The following MYO5C variants were observed in gnomAD, a reference collection of about 807,000 sequenced individuals.
MYO5C encodes unconventional myosin-Vc.
Under a neutral mutation model 235.7 loss-of-function variants are expected in MYO5C, and 194 were observed. That is an observed-to-expected ratio of 0.82 (90% CI 0.73 to 0.93). The LOEUF (loss-of-function observed/expected upper bound fraction) is 0.93. Ranked by LOEUF, MYO5C falls within the 40% of genes least tolerant of loss-of-function variation. The probability of loss-of-function intolerance (pLI) is 0.00; values close to 1 mark genes in which losing one functional copy is unlikely to be tolerated. For missense variants in MYO5C, 2,038 were observed against 2,127.2 expected, an observed-to-expected ratio of 0.96 and a Z score of 0.82; for synonymous variants, 707 against 754.8, an observed-to-expected ratio of 0.94 and a Z score of 1.04.
chr15:52,198,268 G>A (rs1469088150), intron 38 of MYO5C, among the ~76,000 whole-genome samples: 1 of 152,186 alleles, frequency 6.6e-6, no homozygotes, highest in African/African-American at 2.4e-5. Flanking sequence ...CCGGGAGGCG[G>A]AGGTTGCAGT....
At chr15:52,229,447 G>C (rs2035902699) in intron 24 of MYO5C, 134 bp from the exon 25 acceptor site, 1 of 752,066 alleles carries the variant, frequency 1.3e-6, no homozygotes, top group Non-Finnish European at 2.1e-6. Flanking sequence ...CAACAAGAGA[G>C]ACCCCGTCCC....
intron 11 of MYO5C, among the ~76,000 whole-genome samples, chr15:52,255,151 T>A (rs547443071): frequency 6.6e-6 from 1 of 152,222 alleles, no homozygotes; most frequent in African/African-American, 2.4e-5. Flanking sequence ...TTCTGACACA[T>A]ACATACAATG....
At chr15:52,246,361 C>T (rs1199445749) in intron 16 of MYO5C, among the ~76,000 whole-genome samples, 1 of 152,206 alleles carries the variant, frequency 6.6e-6, no homozygotes, top group African/African-American at 2.4e-5. Context: ...CAAGCACCCA[C>T]TGATGCTTGA....
At position 52,279,563 on chromosome 15, in the gene MYO5C, G is replaced by A. The variant is rs2037121902; in HGVS notation, c.250C>T (p.Leu84Phe). The change falls in exon 3 of 41, where the codon CTC becomes TTC. Residue 84 changes from leucine to phenylalanine, a missense_variant. Physicochemically the swap from Leu to Phe is conservative, Grantham distance 22 (BLOSUM62 0). Transcript: ENST00000261839. ...GCAAAGCGGATTCTGAGGTTGTGGA[G>A]CACCGCGGGCTCGTGAAGATAGCTG... The part of the protein sequence containing the change: ...ALSYLHEPAV[L>F]HNLRIRFAES... The A allele has an allele frequency of 1.9e-6, 3 of 1,613,982 alleles. No homozygotes were observed. The highest frequency in any genetic ancestry group is 4.5e-5 in the East Asian group (2 of 44,898).
rs1005966548 is a variant in MYO5C at position 52,192,354 on chromosome 15, C to T, written c.*1548G>A. 5 of 152,160 alleles carry T rather than the reference C, an allele frequency of 3.3e-5. No individual in the cohort carries two copies. Among genetic ancestry groups the T allele is most frequent in the African/African-American group, 9.7e-5 (4 of 41,438 alleles). 9.4% of individuals were successfully genotyped at this position (152,160 alleles called of 1,614,324 possible). On this transcript the variant is annotated 3_prime_UTR_variant, in exon 41 of 41. Coordinates refer to ENST00000261839, the MANE Select transcript of MYO5C (RefSeq NM_018728.4). ...ATTAATTTTATTGATTAAAGTATTACAAAGTTCTACTTTTCATTTTTTCAT... is the reference window on the plus strand; with the variant it reads ...ATTAATTTTATTGATTAAAGTATTATAAAGTTCTACTTTTCATTTTTTCAT...
chr15:52,277,193 C>A (rs1429997040), intron 4 of MYO5C: 1 of 530,350 alleles, frequency 1.9e-6, no homozygotes, highest in Non-Finnish European at 3.9e-6. Context: ...CTGAGGGACA[C>A]TACCTGTCTA....
intron 9 of MYO5C, among the ~76,000 whole-genome samples, chr15:52,263,608 T>G (rs947533884): frequency 1.3e-5 from 2 of 152,108 alleles, no homozygotes; most frequent in African/African-American, 4.8e-5. Context: ...CTTCGTGCTG[T>G]TTTTCAAATG....
At chr15:52,252,502 G>A (rs181155289) in intron 12 of MYO5C, among the ~76,000 whole-genome samples, 2 of 151,824 alleles carry the variant, frequency 1.3e-5, no homozygotes, top group Non-Finnish European at 2.9e-5. Flanking sequence ...TTGGCCGGGC[G>A]CAGTGGCTCA....
intron 9 of MYO5C, among the ~76,000 whole-genome samples, chr15:52,263,923 G>A (rs778757210): frequency 2.6e-5 from 4 of 152,146 alleles, no homozygotes; most frequent in Admixed American, 6.5e-5. Flanking sequence ...ATGACAGTCC[G>A]TGGCACTTAG....
rs963650149 is a variant in MYO5C at position 52,261,009 on chromosome 15, A to G, written c.1166T>C (p.Met389Thr). Residue 389 changes from methionine (M) to threonine (T), a missense_variant, in exon 10 of 41, where the codon ATG becomes ACG. Physicochemically the swap from Met to Thr is moderately conservative, Grantham distance 81. Transcript: ENST00000261839. ...GGCGTTGACAGCCTGAGGCCTGGTC[A>G]TGGGTTTTACCACCGTCTCAGAGCT... The part of the protein sequence containing the change: ...VTSSETVVKP[M>T]TRPQAVNARD... 6.2e-7 allele frequency: 1 copy of G among 1,614,238 alleles called. No individual in the cohort carries two copies. Among genetic ancestry groups the G allele is most frequent in the Non-Finnish European group, 8.5e-7 (1 of 1,180,038 alleles).
At chr15:52,204,799 G>A in intron 38 of MYO5C, 66 bp downstream of exon 38, 1 of 1,555,964 alleles carries the variant, frequency 6.4e-7, no homozygotes, top group South Asian at 1.2e-5. Flanking sequence ...GGCGCGTGGG[G>A]CCTCGGACTT....
intron 10 of MYO5C, among the ~76,000 whole-genome samples, chr15:52,257,640 A>G (rs1277187508): frequency 2.0e-5 from 3 of 152,198 alleles, no homozygotes; most frequent in Non-Finnish European, 4.4e-5. Context: ...GTCACCTCCT[A>G]TAACCCTAAC....
intron 7 of MYO5C, among the ~76,000 whole-genome samples, chr15:52,271,521 G>T (rs886685042): frequency 6.6e-6 from 1 of 151,990 alleles, no homozygotes; most frequent in African/African-American, 2.4e-5. Flanking sequence ...GAGCCATCAC[G>T]CCAGGCCCAA....
intron 33 of MYO5C, among the ~76,000 whole-genome samples, 168 bp downstream of exon 33, chr15:52,214,435 C>T (rs1331611911): frequency 6.6e-6 from 1 of 152,214 alleles, no homozygotes; most frequent in African/African-American, 2.4e-5. Flanking sequence ...AGGGAGCTGT[C>T]TTCCTGACCC....
At chr15:52,281,035 T>A (rs140108428) in intron 2 of MYO5C, among the ~76,000 whole-genome samples, 1 of 152,284 alleles carries the variant, frequency 6.6e-6, no homozygotes, top group East Asian at 1.9e-4. Context: ...GACCAGAATA[T>A]TCTCAACCTA....
intron 1 of MYO5C, among the ~76,000 whole-genome samples, chr15:52,291,737 T>TTTTTTTTTTTTTTTTTTG (rs2037394790): frequency 1.3e-5 from 1 of 74,522 alleles, no homozygotes; most frequent in Non-Finnish European, 3.1e-5. Context: ...TTATGTTTTT[T>TTTTTTTTTTTTTTTTTTG]TTTTTTTTTT....
chr15:52,247,000 C>A lies in MYO5C; in HGVS notation c.1896G>T (p.Leu632=). The A allele has an allele frequency of 6.2e-7, 1 of 1,613,486 alleles. No individual in the cohort carries two copies. The highest frequency in any genetic ancestry group is 8.5e-7 in the Non-Finnish European group (1 of 1,179,742). Residue 632 remains leucine (L), a synonymous_variant, in exon 16 of 41, where the codon CTG becomes CTT. Coordinates refer to ENST00000261839, the MANE Select transcript of MYO5C (RefSeq NM_018728.4). ...TTVGSKFRSS[L]YLLMETLNAT... ...CATTGAGGGTCTCCATGAGCAAGTACAGAGAGCTGCGGAACTAGGAAACAA... is the reference window on the plus strand; with the variant it reads ...CATTGAGGGTCTCCATGAGCAAGTAAAGAGAGCTGCGGAACTAGGAAACAA...
chr15:52,285,437 C>CCCTCCTCTCCCTCCTCTCCCT (rs747695137), intron 1 of MYO5C, among the ~76,000 whole-genome samples: 1 of 95,052 alleles, frequency 1.1e-5, no homozygotes, highest in Non-Finnish European at 2.1e-5. Flanking sequence ...CTCTCCCTCT[C>CCCTCCTCTCCCTCCTCTCCCT]CCTCTCCCTC....
intron 35 of MYO5C, among the ~76,000 whole-genome samples, chr15:52,209,111 A>G (rs1426381273): frequency 1.3e-5 from 2 of 152,110 alleles, no homozygotes; most frequent in East Asian, 1.9e-4. Flanking sequence ...ACAAGAGCTC[A>G]GGACTAGGAC....
Sources: gnomAD v4.1 joint callset for allele counts (sites outside exome capture counted in the v4.1 genomes callset) on GRCh38, gnomAD v4.1.1 for gene constraint, MANE v1.5 for transcripts, NCBI Gene and HGNC (gene_info 2026-07-23, HGNC 2026-07-21) for gene names.